Variants in CAPRIN2 observed in about 807,000 individuals in gnomAD.
CAPRIN2 encodes caprin family member 2.
CAPRIN2 carries 66 observed loss-of-function variants against 130.4 expected under a neutral mutation model. The ratio of observed to expected loss-of-function variants is 0.51; its 90% CI spans 0.42 to 0.62. The LOEUF (loss-of-function observed/expected upper bound fraction) is 0.62. Among genes scored for constraint, CAPRIN2 ranks in the 20% least tolerant of loss-of-function variants. The probability of loss-of-function intolerance (pLI) is 0.00; values close to 1 mark genes in which losing one functional copy is unlikely to be tolerated. For missense variants in CAPRIN2, 1,185 were observed against 1,246.6 expected, an observed-to-expected ratio of 0.95 and a Z score of 0.74; for synonymous variants, 471 against 444.1, an observed-to-expected ratio of 1.06 and a Z score of -0.76.
intron 1 of CAPRIN2, 111 bp downstream of exon 2, chr12:30,753,233 C>T: frequency 1.2e-6 from 1 of 833,462 alleles, no homozygotes; most frequent in Non-Finnish European, 1.9e-6. Flanking sequence ...GCAGCTAAAC[C>T]TAAGGTTAGT....
At chr12:30,711,344 A>T (rs2054479003) in intron 16 of CAPRIN2, among the ~76,000 whole-genome samples, 1 of 152,214 alleles carries the variant, frequency 6.6e-6, no homozygotes, top group African/African-American at 2.4e-5. Context: ...GCAGATTTTT[A>T]AAAAACACCC....
chr12:30,739,078 A>G (rs966970621), intron 3 of CAPRIN2, among the ~76,000 whole-genome samples: 3 of 152,252 alleles, frequency 2.0e-5, no homozygotes, highest in African/African-American at 7.2e-5. Context: ...AATATAAATC[A>G]TTCTACCATA....
intron 2 of CAPRIN2, among the ~76,000 whole-genome samples, chr12:30,749,618 T>C (rs1156408689): frequency 6.6e-6 from 1 of 152,146 alleles, no homozygotes; most frequent in Non-Finnish European, 1.5e-5. Context: ...TTCTCCAAGA[T>C]TTTTGGCAAC....
intron 15 of CAPRIN2, among the ~76,000 whole-genome samples, chr12:30,712,509 G>A (rs532319738): frequency 1.8e-4 from 28 of 152,066 alleles, no homozygotes; most frequent in African/African-American, 2.7e-4. Flanking sequence ...ATATTTGCAC[G>A]GCTGATATAC....
At chr12:30,729,125 A>G (rs1173267389) in exon 8 of CAPRIN2, 3 of 1,614,074 alleles carry the variant, frequency 1.9e-6, no homozygotes, top group South Asian at 1.1e-5. Flanking sequence ...AGGAAACTGC[A>G]GGCTTGGATA....
At position 30,724,272 on chromosome 12, in the gene CAPRIN2, T is replaced by C. The variant is rs1399352656; in HGVS notation, c.1987+98A>G. Reference sequence around the variant, plus strand: ...GTTAGAATAAATTAATACACCAACATATTAGGACATCTAAAATAAAATCAT... The same window carrying C: ...GTTAGAATAAATTAATACACCAACACATTAGGACATCTAAAATAAAATCAT... On this transcript the variant is annotated intron_variant, in intron 10 of 16. Coordinates refer to ENST00000298892, the Ensembl canonical transcript of CAPRIN2. 7 of 764,836 alleles carry C rather than the reference T, an allele frequency of 9.2e-6. No homozygotes were observed. In the East Asian group the frequency reaches 1.8e-4, roughly 19 times the overall value. The allele number at this position is 764,836 out of a possible 1,614,324, so 47.4% of individuals were successfully genotyped here. A position where few individuals can be genotyped will look rare whatever the true frequency, so the allele number is the denominator to read the frequency against.
At position 30,710,337 on chromosome 12, in the gene CAPRIN2, G is replaced by C. The variant is rs372208056; in HGVS notation, c.2799C>G (p.Thr933=). 1.2e-6 allele frequency: 2 copies of C among 1,614,132 alleles called. No homozygotes were observed. Among genetic ancestry groups the C allele is most frequent in the African/African-American group, 2.7e-5 (2 of 75,028 alleles). The change falls in exon 17 of 17, where the codon ACC becomes ACG. Residue 933 remains threonine (T), a synonymous_variant. Transcript: ENST00000298892. The surrounding 1 kb of genome is among the most constrained non-coding windows in gnomAD (Gnocchi z 4.8). ...GAGGGTAGACGTGTACTGGCAGTAT[G>C]GTGGCTGCTGGATTTGTCACTGGCA...
At chr12:30,741,402 A>T (rs1363735838) in intron 2 of CAPRIN2, among the ~76,000 whole-genome samples, 1 of 152,142 alleles carries the variant, frequency 6.6e-6, no homozygotes, top group African/African-American at 2.4e-5. Context: ...TTTTAATAGC[A>T]CTGAGCCAAT....
exon 1 of CAPRIN2, chr12:30,753,612 G>A (rs1477294331): frequency 6.2e-7 from 1 of 1,614,208 alleles, no homozygotes; most frequent in Non-Finnish European, 8.5e-7. Context: ...AGATGAGGCT[G>A]AAGGAGGTGG....
chr12:30,746,506 T>C (rs1462238378), intron 2 of CAPRIN2, among the ~76,000 whole-genome samples: 3 of 152,208 alleles, frequency 2.0e-5, no homozygotes, highest in South Asian at 2.1e-4. Flanking sequence ...CGTAGATTCA[T>C]AGAAAGTAAA....
intron 11 of CAPRIN2, 95 bp downstream of exon 12, chr12:30,723,164 T>G: frequency 1.2e-6 from 1 of 825,080 alleles, no homozygotes; most frequent in Non-Finnish European, 2.0e-6. Context: ...ATAATTTCAT[T>G]AGGTACATGA....
exon 1 of CAPRIN2, chr12:30,753,517 T>G (rs2074975259): frequency 6.2e-7 from 1 of 1,614,058 alleles, no homozygotes; most frequent in East Asian, 2.2e-5. Flanking sequence ...TTGGCTGACT[T>G]CATATTCCCC....
At chr12:30,714,485 T>C (rs1201167254) in intron 14 of CAPRIN2, among the ~76,000 whole-genome samples, 2 of 152,192 alleles carry the variant, frequency 1.3e-5, no homozygotes, top group East Asian at 1.9e-4. Context: ...ACCCAGCCTG[T>C]CTAGAGTATT....
chr12:30,744,492 T>C (rs907105945), intron 2 of CAPRIN2, among the ~76,000 whole-genome samples: 2 of 152,204 alleles, frequency 1.3e-5, no homozygotes, highest in African/African-American at 4.8e-5. Context: ...ACCAAAAATC[T>C]GTTCCTTCTC....
chr12:30,749,311 A>G (rs1275950345), intron 2 of CAPRIN2, among the ~76,000 whole-genome samples: 1 of 152,196 alleles, frequency 6.6e-6, no homozygotes, highest in Non-Finnish European at 1.5e-5. Flanking sequence ...AGACACACTA[A>G]GGACATTTTA....
intron 11 of CAPRIN2, among the ~76,000 whole-genome samples, chr12:30,721,483 C>T (rs574557677): frequency 2.8e-4 from 43 of 152,182 alleles, no homozygotes; most frequent in Non-Finnish European, 5.9e-4. Context: ...AAGCTGATAG[C>T]ATATGTAAAA....
At chr12:30,741,800 A>C (rs2067587371) in intron 2 of CAPRIN2, among the ~76,000 whole-genome samples, 1 of 152,130 alleles carries the variant, frequency 6.6e-6, no homozygotes, top group African/African-American at 2.4e-5. Flanking sequence ...TTACACTCCA[A>C]GGTATCTACC....
At chr12:30,733,500 A>C in intron 5 of CAPRIN2, 129 bp downstream of exon 6, 1 of 658,836 alleles carries the variant, frequency 1.5e-6, no homozygotes, top group East Asian at 2.6e-5. Flanking sequence ...TCATTCTCCC[A>C]GTGAATATAG....
chr12:30,752,572 T>TAA (rs201247925), intron 1 of CAPRIN2, among the ~76,000 whole-genome samples: 29,971 of 129,024 alleles, frequency 0.23, 3,745 homozygotes, highest in African/African-American at 0.29. Flanking sequence ...TTTCTTAGGT[T>TAA]AAAAAAAAAA....
Sources: allele counts gnomAD v4.1 joint callset (sites outside exome capture counted in the v4.1 genomes callset), GRCh38; gene constraint gnomAD v4.1.1; non-coding constraint Gnocchi (gnomAD v3.1); transcripts MANE v1.5; gene names NCBI Gene and HGNC (gene_info 2026-07-23, HGNC 2026-07-21).